ATAD3B: variants seen among roughly 807,000 people sequenced by gnomAD.
ATAD3B encodes the protein ATPase family AAA domain containing 3B, also known as ATPase family AAA domain-containing protein 3B.
Under a neutral mutation model 70.2 loss-of-function variants are expected in ATAD3B, and 59 were observed. That is an observed-to-expected ratio of 0.84 (90% CI 0.68 to 1.04). The LOEUF (loss-of-function observed/expected upper bound fraction) is 1.04. Ranked by LOEUF, ATAD3B falls within the 50% of genes least tolerant of loss-of-function variation. ATAD3B has a pLI of 0.00. For synonymous variants in ATAD3B, 423 were observed against 388.6 expected (o/e 1.09, Z -1.04); for missense variants, 961 against 913.4 (o/e 1.05, Z -0.67).
At chr1:1,488,038 T>C in intron 12 of ATAD3B, 124 bp downstream of exon 12, 6 of 1,363,430 alleles carry the variant, frequency 4.4e-6, no homozygotes, top group Non-Finnish European at 6.2e-6. Context: ...CGCTGCAACC[T>C]CTGCCTCCTG....
Position 1,495,593 on chromosome 1 carries a change from G to C in ATAD3B, c.1723G>C (p.Glu575Gln). 6.2e-7 allele frequency: 1 copy of C among 1,613,176 alleles called. No homozygotes were observed. The highest frequency in any genetic ancestry group is 8.5e-7 in the Non-Finnish European group (1 of 1,179,500). ...YRQKMRWLKA[E>Q]GPGRGVEHPL... is the part of the protein sequence containing the mutation. ...ACAGAAGATGCGCTGGCTGAAGGCG[G>C]AGGGGCCTGGGCGCGGGGTCGAGCA... is the stretch of plus-strand genomic sequence containing the variant. The change falls in exon 16 of 16, where the codon GAG becomes CAG. Residue 575 changes from glutamate (E) to glutamine (Q), a missense_variant. Coordinates refer to ENST00000673477, the MANE Select transcript of ATAD3B (RefSeq NM_031921.6).
At chr1:1,487,149 C>T (rs942179921) in intron 11 of ATAD3B, among the ~76,000 whole-genome samples, 9 of 152,162 alleles carry the variant, frequency 5.9e-5, no homozygotes, top group Non-Finnish European at 1.2e-4. Flanking sequence ...AACCACGATC[C>T]TCATGGTTGG....
At chr1:1,474,690 C>T (rs1209400701) in intron 1 of ATAD3B, among the ~76,000 whole-genome samples, 5 of 152,072 alleles carry the variant, frequency 3.3e-5, no homozygotes, top group Admixed American at 2.0e-4. Context: ...TTACTAGAGA[C>T]GGGGTTTCAC....
At chr1:1,489,817 T>G in intron 13 of ATAD3B, 1 of 1,260,166 alleles carries the variant, frequency 7.9e-7, no homozygotes, top group African/African-American at 1.5e-5. Context: ...CTCAGGTCCT[T>G]CCCAGAGAGG....
At chr1:1,492,809 G>A (rs765490914) in intron 15 of ATAD3B, among the ~76,000 whole-genome samples, 10 of 151,732 alleles carry the variant, frequency 6.6e-5, no homozygotes, top group Non-Finnish European at 1.3e-4. Flanking sequence ...CGTGGTGGCT[G>A]GCGCCTGTAG....
chr1:1,503,536 G>A, the ATAD3B span: 57 of 1,570,846 alleles, frequency 3.6e-5, no homozygotes, highest in African/African-American at 4.2e-4. Context: ...CCTGCCCAGC[G>A]GCATCCGTGT....
chr1:1,472,798 C>T lies in ATAD3B; in HGVS notation c.205+709C>T, dbSNP rs138782405. On this transcript the variant is annotated intron_variant, in intron 1 of 15. Coordinates refer to ENST00000673477, the MANE Select transcript of ATAD3B (RefSeq NM_031921.6). ...AGGTGCTGAATTCATTGAAAGAATA[C>T]AGTGGTTCTCAACTCTTGTTTAAGC... Among the ~76,000 whole-genome samples the T allele has an allele frequency of 8.4e-3, 1,278 of 152,106 alleles. 21 individuals are homozygous for T. Among genetic ancestry groups the T allele is most frequent in the African/African-American group, 0.03 (1,238 of 41,512 alleles).
rs1306634018 is a variant in ATAD3B at position 1,495,515 on chromosome 1, C to T, written c.1645C>T (p.Leu549Phe). 4.3e-6 allele frequency: 7 copies of T among 1,610,758 alleles called. No individual in the cohort carries two copies. In the East Asian group the frequency reaches 8.9e-5, roughly 21 times the overall value. The change falls in exon 16 of 16, where the codon CTC becomes TTC. Residue 549 changes from leucine (L) to phenylalanine (F), a missense_variant. Leu to Phe is a conservative substitution (Grantham distance 22). Transcript: ENST00000673477. ...GGCATATGCCTCCAAGGACGGGGTC[C>T]TCACTGAGGCCATGATGGACGCCTG... ...ATAYASKDGV[L>F]TEAMMDACVQ... is the part of the protein sequence containing the mutation.
At chr1:1,489,974 G>A (rs1640443992) in intron 13 of ATAD3B, 3 of 1,290,514 alleles carry the variant, frequency 2.3e-6, no homozygotes, top group African/African-American at 3.0e-5. Flanking sequence ...AGGGAGTGGT[G>A]TTCCCGGCAC....
At chr1:1,485,616 A>G (rs972500806) in intron 8 of ATAD3B, among the ~76,000 whole-genome samples, 166 bp from the exon 9 acceptor site, 43 of 152,032 alleles carry the variant, frequency 2.8e-4, no homozygotes, top group African/African-American at 9.4e-4. Context: ...AATCCCAGCA[A>G]TAGCCTCCTG....
chr1:1,476,054 T>C (rs553706252), intron 1 of ATAD3B, among the ~76,000 whole-genome samples: 1 of 140,466 alleles, frequency 7.1e-6, no homozygotes, highest in African/African-American at 3.0e-5. Flanking sequence ...GAGCCCGGGG[T>C]CGCTTCAGCC....
Position 1,481,997 on chromosome 1 carries a change from C to T in ATAD3B, c.515-141C>T, listed in dbSNP as rs1002008606. ...GGCCTTAGCCTGTTGGTGGCGTGGG[C>T]CGGTCCGTGGCATGGGCCTGTCTGT... is the stretch of plus-strand genomic sequence containing the variant. On this transcript the variant is annotated intron_variant, in intron 5 of 15. Coordinates refer to ENST00000673477, the MANE Select transcript of ATAD3B (RefSeq NM_031921.6). The T allele has an allele frequency of 1.0e-5, 14 of 1,390,748 alleles. No homozygotes were observed. In the Admixed American group the frequency reaches 2.1e-4, roughly 21 times the overall value. 86.2% of individuals were successfully genotyped at this position (1,390,748 alleles called of 1,614,324 possible). A position where few individuals can be genotyped will look rare whatever the true frequency, so the allele number is the denominator to read the frequency against.
intron 1 of ATAD3B, among the ~76,000 whole-genome samples, chr1:1,473,040 C>T (rs1241788360): frequency 2.0e-5 from 3 of 148,802 alleles, no homozygotes; most frequent in East Asian, 2.0e-4. Flanking sequence ...GGCCAGGGTG[C>T]TCTCCAACTC....
At position 1,478,640 on chromosome 1, in the gene ATAD3B, G is replaced by A. The variant is rs1639727102; in HGVS notation, c.283-4G>A. 1 of 1,548,258 alleles carries A rather than the reference G, an allele frequency of 6.5e-7. No homozygotes were observed. The highest frequency in any genetic ancestry group is 1.4e-5 in the African/African-American group (1 of 72,608). On this transcript the variant is annotated splice_region_variant and splice_polypyrimidine_tract_variant and intron_variant, in intron 2 of 15. Transcript: ENST00000673477. ...TGCCAGCTGGTGAGTGCTGTGCTCT[G>A]CAGGAGTATGAGGCCGCCGTGGAGC... is the stretch of plus-strand genomic sequence containing the variant.
At chr1:1,509,437 T>C in the ATAD3B span, 1 of 1,597,552 alleles carries the variant, frequency 6.3e-7, no homozygotes, top group Non-Finnish European at 8.5e-7. Context: ...TAGGAAATAC[T>C]CCCCGTAATA....
rs144745858 is a variant in ATAD3B at position 1,486,159 on chromosome 1, C to T, written c.1013C>T (p.Thr338Ile). ...GACATCGCCATAGCAACCAGGAACA[C>T]CAAGAAGAACCGGGGCCTGTACAGG... ...VRDIAIATRN[T>I]KKNRGLYRHI... The change falls in exon 10 of 16, where the codon ACC becomes ATC. Residue 338 changes from threonine (T) to isoleucine (I), a missense_variant. Physicochemically the swap from Thr to Ile is moderately conservative, Grantham distance 89. Coordinates refer to ENST00000673477, the MANE Select transcript of ATAD3B (RefSeq NM_031921.6). The T allele has an allele frequency of 3.5e-5, 56 of 1,612,970 alleles. 2 individuals carry two copies. Among genetic ancestry groups the T allele is most frequent in the Non-Finnish European group, 3.9e-5 (46 of 1,179,494 alleles).
intron 1 of ATAD3B, 83 bp from the exon 2 acceptor site, chr1:1,477,191 G>A: frequency 3.2e-6 from 5 of 1,543,874 alleles, no homozygotes; most frequent in Non-Finnish European, 4.4e-6. Context: ...TGTATTTTTA[G>A]TAGAGGTTGG....
At chr1:1,503,420 T>G in the ATAD3B span, 1 of 677,260 alleles carries the variant, frequency 1.5e-6, no homozygotes, top group Non-Finnish European at 2.6e-6. Context: ...GGATGGGGCA[T>G]CGTCACGCCA....
At chr1:1,499,213 C>T (rs187063102), downstream of ATAD3B, among the ~76,000 whole-genome samples, 175 of 151,346 alleles carry the variant, frequency 1.2e-3, 2 homozygotes, top group Non-Finnish European at 2.2e-3. Flanking sequence ...CCTCGTGATC[C>T]GCCCGCCTCG....
Sources: gnomAD v4.1 joint callset for allele counts (sites outside exome capture counted in the v4.1 genomes callset) on GRCh38, gnomAD v4.1.1 for gene constraint, MANE v1.5 for transcripts, NCBI Gene and HGNC (gene_info 2026-07-23, HGNC 2026-07-21) for gene names.